Variants in DACH1 observed in about 807,000 individuals in gnomAD.
DACH1 encodes dachshund family transcription factor 1.
Under a neutral mutation model 54.2 loss-of-function variants are expected in DACH1, and 12 were observed. That is an observed-to-expected ratio of 0.22 (90% CI 0.14 to 0.36). The LOEUF (loss-of-function observed/expected upper bound fraction) is 0.36. Ranked by LOEUF, DACH1 falls within the 10% of genes least tolerant of loss-of-function variation. The pLI, the probability that DACH1 is intolerant of heterozygous loss-of-function variation, is 1.00. For synonymous variants in DACH1, 386 were observed against 366.2 expected (o/e 1.05, Z -0.62); for missense variants, 805 against 929.8 (o/e 0.87, Z 1.75).
At chr13:71,451,192 G>T (rs970400437) in intron 10 of DACH1, among the ~76,000 whole-genome samples, 3 of 152,118 alleles carry the variant, frequency 2.0e-5, no homozygotes, top group African/African-American at 4.8e-5. Flanking sequence ...TGTACACACA[G>T]TTGGGATCCC....
intron 6 of DACH1, among the ~76,000 whole-genome samples, chr13:71,510,907 G>C (rs1442176059): frequency 6.6e-6 from 1 of 151,546 alleles, no homozygotes; most frequent in Non-Finnish European, 1.5e-5. Flanking sequence ...ATGTTGCATA[G>C]AATTATTATC....
At chr13:71,831,500 T>C (rs1888588133) in intron 1 of DACH1, among the ~76,000 whole-genome samples, 1 of 151,858 alleles carries the variant, frequency 6.6e-6, no homozygotes, top group South Asian at 2.1e-4. Flanking sequence ...CTAAAATGAG[T>C]CCTAACATAA....
intron 2 of DACH1, among the ~76,000 whole-genome samples, chr13:71,676,103 A>G (rs1050141345): frequency 6.6e-6 from 1 of 152,350 alleles, no homozygotes; most frequent in Non-Finnish European, 1.5e-5. Flanking sequence ...ATTAGTGAAG[A>G]CAATCCAACA....
intron 1 of DACH1, among the ~76,000 whole-genome samples, chr13:71,804,906 C>T (rs1887434458): frequency 6.6e-6 from 1 of 152,086 alleles, no homozygotes; most frequent in Non-Finnish European, 1.5e-5. Flanking sequence ...AGAAGTATTT[C>T]ACGTTTGTTT....
intron 1 of DACH1, among the ~76,000 whole-genome samples, chr13:71,790,587 T>C (rs1459265734): frequency 6.6e-6 from 1 of 152,054 alleles, no homozygotes; most frequent in Non-Finnish European, 1.5e-5. Flanking sequence ...AAATCTAGAG[T>C]TAAATATTAT....
chr13:71,682,736 C>A (rs1327904879), intron 1 of DACH1, among the ~76,000 whole-genome samples: 1 of 152,040 alleles, frequency 6.6e-6, no homozygotes, highest in African/African-American at 2.4e-5. Flanking sequence ...AATAAAAATA[C>A]CTTGTGTTTT....
intron 1 of DACH1, among the ~76,000 whole-genome samples, chr13:71,823,417 T>C (rs1280201831): frequency 6.6e-6 from 1 of 152,092 alleles, no homozygotes; most frequent in African/African-American, 2.4e-5. Context: ...TATCGAGCTA[T>C]GAAATGAAAG....
At chr13:71,780,540 T>C (rs1365888857) in intron 1 of DACH1, among the ~76,000 whole-genome samples, 1 of 151,942 alleles carries the variant, frequency 6.6e-6, no homozygotes, top group Non-Finnish European at 1.5e-5. Flanking sequence ...GTTGATAGAA[T>C]TATCAGTGTT....
At chr13:71,642,887 T>C (rs1878013748) in intron 2 of DACH1, among the ~76,000 whole-genome samples, 1 of 151,340 alleles carries the variant, frequency 6.6e-6, no homozygotes, top group Non-Finnish European at 1.5e-5. Flanking sequence ...TAGCCAGACA[T>C]AGTGGCACGT....
At chr13:71,788,665 G>T (rs995821801) in intron 1 of DACH1, among the ~76,000 whole-genome samples, 4 of 151,752 alleles carry the variant, frequency 2.6e-5, no homozygotes, top group Non-Finnish European at 5.9e-5. Context: ...ATTTCTTATG[G>T]TTACTTTTGG....
intron 10 of DACH1, among the ~76,000 whole-genome samples, chr13:71,468,844 C>A (rs1346107667): frequency 6.6e-6 from 1 of 152,034 alleles, no homozygotes. Flanking sequence ...GGGGTTTCCC[C>A]CAGTGTGTCT....
chr13:71,646,039 A>G (rs774870488), intron 2 of DACH1, among the ~76,000 whole-genome samples: 1 of 152,154 alleles, frequency 6.6e-6, no homozygotes, highest in African/African-American at 2.4e-5. Flanking sequence ...CAAAAGAGAT[A>G]TAAAACTTCT....
chr13:71,585,785 G>A (rs1203734452), intron 3 of DACH1, among the ~76,000 whole-genome samples: 1 of 152,080 alleles, frequency 6.6e-6, no homozygotes, highest in Admixed American at 6.6e-5. Context: ...AGAAGGAGGA[G>A]AAGAAACTCA....
At chr13:71,451,115 T>C (rs1047628904) in intron 10 of DACH1, among the ~76,000 whole-genome samples, 1 of 152,118 alleles carries the variant, frequency 6.6e-6, no homozygotes, top group Admixed American at 6.5e-5. Flanking sequence ...AACAGGCAAT[T>C]ATATGATTAA....
chr13:71,678,911 C>T (rs1232109354), intron 2 of DACH1, among the ~76,000 whole-genome samples: 2 of 152,208 alleles, frequency 1.3e-5, no homozygotes, highest in Non-Finnish European at 2.9e-5. Flanking sequence ...CCTCCTGCCT[C>T]AGGCTCTCCA....
chr13:71,742,600 T>C lies in DACH1; in HGVS notation c.849-60690A>G, dbSNP rs896619486. The stretch of plus-strand genomic sequence containing the variant: ...TAGTTTTCTCTGCAAAATAGAAGTG[T>C]CAATGAAAAATAAAGATATGTTTTA... On this transcript the variant is annotated intron_variant, in intron 1 of 10. Transcript: ENST00000613252. Among the ~76,000 whole-genome samples, 4 of 152,156 alleles carry C rather than the reference T, an allele frequency of 2.6e-5. No homozygotes were observed. The South Asian group carries it at 6.2e-4, about 24-fold the overall frequency.
chr13:71,614,248 C>T (rs1218487657), intron 3 of DACH1, among the ~76,000 whole-genome samples: 3 of 151,998 alleles, frequency 2.0e-5, no homozygotes, highest in Non-Finnish European at 2.9e-5. Context: ...AGAATGAAAA[C>T]GAGGAGAATT....
intron 1 of DACH1, among the ~76,000 whole-genome samples, chr13:71,817,078 G>A (rs569974532): frequency 2.6e-5 from 4 of 152,040 alleles, no homozygotes; most frequent in African/African-American, 9.6e-5. Flanking sequence ...TTTTTAAAAA[G>A]AGAAATGGAA....
At chr13:71,765,143 C>CA (rs1362528754) in intron 1 of DACH1, among the ~76,000 whole-genome samples, 16 of 152,178 alleles carry the variant, frequency 1.1e-4, no homozygotes, top group Non-Finnish European at 2.1e-4. Context: ...ATCTCAAGTG[C>CA]AACATTTCCA....
Sources: allele counts gnomAD v4.1 joint callset (sites outside exome capture counted in the v4.1 genomes callset), GRCh38; gene constraint gnomAD v4.1.1; transcripts MANE v1.5; gene names NCBI Gene and HGNC (gene_info 2026-07-23, HGNC 2026-07-21).